Variants in ABR observed in about 807,000 individuals in gnomAD.
ABR encodes the protein active breakpoint cluster region-related protein.
ABR carries 35 observed loss-of-function variants against 107.2 expected under a neutral mutation model. That is an observed-to-expected ratio of 0.33 (90% CI 0.25 to 0.43). The LOEUF is 0.43. Among genes scored for constraint, ABR ranks in the 20% least tolerant of loss-of-function variants. ABR has a pLI of 1.00. For missense variants in ABR, 815 were observed against 1,115.2 expected, an observed-to-expected ratio of 0.73 and a Z score of 3.83; for synonymous variants, 498 against 462.0, an observed-to-expected ratio of 1.08 and a Z score of -1.00.
Position 1,201,118 on chromosome 17 carries a change from G to A in ABR, c.838+27675C>T, listed in dbSNP as rs776917003. Among the ~76,000 whole-genome samples, 5 of 152,232 alleles carry A rather than the reference G, an allele frequency of 3.3e-5. No homozygotes were observed. In the East Asian group the frequency reaches 7.7e-4, roughly 23 times the overall value. On this transcript the variant is annotated intron_variant, in intron 1 of 22. Transcript: ENST00000574139. ...GAATAAAATGATCAGAGGAGCAGCC[G>A]GGGAGGCTTTGGTGCCCCTCAGGCA... is the stretch of plus-strand genomic sequence containing the variant.
chr17:1,076,714 C>CGGGGGGGGGGGGGGG (rs376868048), intron 6 of ABR, among the ~76,000 whole-genome samples: 1 of 42,140 alleles, frequency 2.4e-5, no homozygotes, highest in Admixed American at 2.6e-4. Flanking sequence ...GGCAGGTGCA[C>CGGGGGGGGGGGGGGG]GGGGGGGGTG....
intron 10 of ABR, among the ~76,000 whole-genome samples, chr17:1,061,890 C>A (rs866842161): frequency 8.5e-5 from 13 of 152,166 alleles, no homozygotes; most frequent in African/African-American, 3.1e-4. Flanking sequence ...GAACATGGAA[C>A]AGAAGAAAAT....
Position 1,125,228 on chromosome 17 carries a change from C to G in ABR, c.201G>C (p.Gly67=). The G allele has an allele frequency of 6.2e-7, 1 of 1,610,130 alleles. No individual in the cohort carries two copies. Among genetic ancestry groups the G allele is most frequent in the Non-Finnish European group, 8.5e-7 (1 of 1,177,704 alleles). The stretch of plus-strand genomic sequence containing the variant: ...GTGGAGTCGGGGAGACGCCATCCCC[C>G]CCGCCCTGGCTGCGGGCGCTGAGCT... The part of the protein sequence containing the change: ...SPQLSARSQG[G]GDGVSPTPPE... The change falls in exon 2 of 23, where the codon GGG becomes GGC. Residue 67 remains glycine (G), a synonymous_variant. Transcript: ENST00000302538.
chr17:1,185,199 A>G (rs923002622), intron 1 of ABR: 15 of 152,246 alleles, frequency 9.9e-5, no homozygotes, highest in African/African-American at 2.9e-4. Flanking sequence ...CAAGAAAACC[A>G]TATCTACTAC....
At chr17:1,142,010 G>A (rs920257295) in intron 1 of ABR, among the ~76,000 whole-genome samples, 1 of 151,718 alleles carries the variant, frequency 6.6e-6, no homozygotes, top group Non-Finnish European at 1.5e-5. Flanking sequence ...CACCTGCCTC[G>A]GCCTCCCAAA....
intron 16 of ABR, among the ~76,000 whole-genome samples, chr17:1,020,271 C>T (rs1016038779): frequency 4.6e-5 from 7 of 152,134 alleles, no homozygotes; most frequent in East Asian, 1.9e-4. Flanking sequence ...TTAGTAGAGA[C>T]GGGGTTTCAC....
In ABR at chr17:1,111,489, G is replaced by GC. The variant is rs1159929505; in HGVS notation, c.247-10755dup. Among the ~76,000 whole-genome samples, 589 of 152,218 alleles carry GC rather than the reference G, an allele frequency of 3.9e-3. 3 individuals are homozygous for GC. The highest frequency in any genetic ancestry group is 0.013 in the African/African-American group (558 of 41,544). ...TGCCCTGAGCCAGCCCTGGACCTGA[G>GC]CTCCACACTCCATCTGCCTCGGCCT... On this transcript the variant is annotated intron_variant, in intron 2 of 22. Coordinates refer to ENST00000302538, the MANE Select transcript of ABR (RefSeq NM_021962.5).
rs2035908113 is a variant in ABR at position 1,078,361 on chromosome 17, A to T, written c.700+969T>A. Among the ~76,000 whole-genome samples the T allele has an allele frequency of 6.6e-6, 1 of 150,818 alleles. No individual in the cohort carries two copies. The highest frequency in any genetic ancestry group is 1.5e-5 in the Non-Finnish European group (1 of 67,668). ...CTCTCCAGAAACAAAGAAACTCCCA[A>T]CTTCTCCCTCTGGCTCGCGCTGGCA... On this transcript the variant is annotated intron_variant, in intron 6 of 22. Coordinates refer to ENST00000302538, the MANE Select transcript of ABR (RefSeq NM_021962.5). This position sits in a 1 kb window ranked among gnomAD's most constrained non-coding sequence, Gnocchi z 7.5.
At chr17:1,117,125 G>T (rs62067944) in intron 2 of ABR, among the ~76,000 whole-genome samples, 56,966 of 60,350 alleles carry the variant, frequency 0.94, 27,720 homozygotes, top group Non-Finnish European at 0.96. Context: ...TCCTCCCAGC[G>T]TTATCCCTGA....
intron 10 of ABR, among the ~76,000 whole-genome samples, chr17:1,065,690 T>C (rs2034644997): frequency 6.6e-6 from 1 of 152,118 alleles, no homozygotes; most frequent in Non-Finnish European, 1.5e-5. Flanking sequence ...AGTTCTCATT[T>C]TGAATTTTGA....
chr17:1,214,542 C>T (rs2042962043), intron 1 of ABR, among the ~76,000 whole-genome samples: 1 of 152,088 alleles, frequency 6.6e-6, no homozygotes, highest in African/African-American at 2.4e-5. Flanking sequence ...TGGCTCATGC[C>T]TGTAATCCCA....
intron 1 of ABR, among the ~76,000 whole-genome samples, chr17:1,173,757 C>T (rs1363135950): frequency 3.3e-5 from 5 of 152,180 alleles, no homozygotes; most frequent in African/African-American, 4.8e-5. Context: ...GTGCGGGAGC[C>T]GCTGTGGGAG....
At chr17:1,209,731 T>A (rs564420495) in intron 1 of ABR, among the ~76,000 whole-genome samples, 1 of 152,354 alleles carries the variant, frequency 6.6e-6, no homozygotes, top group Non-Finnish European at 1.5e-5. Context: ...TTCTAATACT[T>A]GGTGACGTGG....
At chr17:1,095,193 G>T (rs932479496) in intron 3 of ABR, among the ~76,000 whole-genome samples, 1 of 152,170 alleles carries the variant, frequency 6.6e-6, no homozygotes, top group South Asian at 2.1e-4. Flanking sequence ...CTCAGAAGCC[G>T]CGACGCGCTC....
rs1162615570 is a variant in ABR, at chr17:1,078,097, G to A, written c.700+1233C>T. On this transcript the variant is annotated intron_variant, in intron 6 of 22. Coordinates refer to ENST00000302538, the MANE Select transcript of ABR (RefSeq NM_021962.5). This position sits in a 1 kb window ranked among gnomAD's most constrained non-coding sequence, Gnocchi z 7.5. ...GAGGATGGTCCGGGTCCCTTCCACC[G>A]AAAGGTGGTGTGTGTGTGTGTGTGT... Among the ~76,000 whole-genome samples, 15 of 151,500 alleles carry A rather than the reference G, an allele frequency of 9.9e-5. No individual in the cohort carries two copies. Among genetic ancestry groups the A allele is most frequent in the Admixed American group, 8.5e-4 (13 of 15,270 alleles).
At chr17:1,180,771 ACC>A (rs1383114318), upstream of ABR, among the ~76,000 whole-genome samples, 1 of 151,962 alleles carries the variant, frequency 6.6e-6, no homozygotes, top group Non-Finnish European at 1.5e-5. Context: ...TCTAAGGAAG[ACC>A]CCCTCGCCCA....
chr17:1,132,377 C>CTTTTTTTTTT (rs782501170), intron 1 of ABR, among the ~76,000 whole-genome samples: 1 of 125,762 alleles, frequency 8.0e-6, no homozygotes, highest in African/African-American at 3.1e-5. Context: ...ACCGAAAGCA[C>CTTTTTTTTTT]TTTTTTTTTT....
chr17:1,179,742 T>G lies in ABR; in HGVS notation c.-15A>C. On this transcript the variant is annotated 5_prime_UTR_variant, in exon 1 of 23. Coordinates refer to ENST00000302538, the MANE Select transcript of ABR (RefSeq NM_021962.5). The surrounding 1 kb of genome is among the most constrained non-coding windows in gnomAD (Gnocchi z 4.9). ...AGCGGCTCCATCCCGCGGCGGCGGCTCGGTCAGATCCGAAACCCGACCCTC... is the reference window on the plus strand; with the variant it reads ...AGCGGCTCCATCCCGCGGCGGCGGCGCGGTCAGATCCGAAACCCGACCCTC... 2.1e-6 allele frequency: 3 copies of G among 1,460,906 alleles called. No individual in the cohort carries two copies. The highest frequency in any genetic ancestry group is 1.8e-6 in the Non-Finnish European group (2 of 1,094,976). The allele number at this position is 1,460,906 out of a possible 1,614,324, so 90.5% of individuals were successfully genotyped here.
rs1484087204 is a variant in ABR, at chr17:1,179,890, G to C, written c.-163C>G. The C allele has an allele frequency of 9.4e-6, 6 of 636,686 alleles. No homozygotes were observed. The highest frequency in any genetic ancestry group is 1.4e-5 in the Non-Finnish European group (6 of 422,300). The allele number at this position is 636,686 out of a possible 1,614,324, so 39.4% of individuals were successfully genotyped here. On this transcript the variant is annotated 5_prime_UTR_variant, in exon 1 of 23. Coordinates refer to ENST00000302538, the MANE Select transcript of ABR (RefSeq NM_021962.5). This position sits in a 1 kb window ranked among gnomAD's most constrained non-coding sequence, Gnocchi z 4.9. The stretch of plus-strand genomic sequence containing the variant: ...AGCGCGGGGCGGCCGGGGCAGGGGC[G>C]AGGGCGGGGCGGGAGCCCCCAAAAC...
Sources: allele counts gnomAD v4.1 joint callset (sites outside exome capture counted in the v4.1 genomes callset), GRCh38; gene constraint gnomAD v4.1.1; non-coding constraint Gnocchi (gnomAD v3.1); transcripts MANE v1.5; gene names NCBI Gene and HGNC (gene_info 2026-07-23, HGNC 2026-07-21).